MYT1L: variants seen among roughly 807,000 people sequenced by gnomAD.
MYT1L encodes myelin transcription factor 1-like protein.
A neutral mutation model predicts 126.7 loss-of-function variants in MYT1L; 12 were observed. The ratio of observed to expected loss-of-function variants is 0.09; its 90% CI spans 0.06 to 0.15. The LOEUF is 0.15. Ranked by LOEUF, MYT1L falls within the 10% of genes least tolerant of loss-of-function variation. The pLI is 1.00. For synonymous variants in MYT1L, 541 were observed against 604.2 expected, an observed-to-expected ratio of 0.90 and a Z score of 1.53; for missense variants, 979 against 1,585.2, an observed-to-expected ratio of 0.62 and a Z score of 6.49.
chr2:1,934,695 C>G (rs984464076), intron 9 of MYT1L, among the ~76,000 whole-genome samples: 1 of 151,500 alleles, frequency 6.6e-6, no homozygotes, highest in East Asian at 2.0e-4. Flanking sequence ...CTCTTTCTCT[C>G]TCTCTTCCCC....
Position 1,806,829 on chromosome 2 carries a change from G to A in MYT1L, c.3172+2247C>T, listed in dbSNP as rs73182891. ...CTTCCTTCATTAATGGGGAACAAAG[G>A]CACGTGGACTCGGATCAATTGTCTA... On this transcript the variant is annotated intron_variant, in intron 22 of 24. Transcript: ENST00000647738. This position sits in a 1 kb window ranked among gnomAD's most constrained non-coding sequence, Gnocchi z 4.9. 6.2e-4 allele frequency among the ~76,000 whole-genome samples: 95 copies of A among 152,314 alleles called. No individual in the cohort carries two copies. The highest frequency in any genetic ancestry group is 2.3e-3 in the African/African-American group (94 of 41,570).
At chr2:2,317,928 A>T (rs552122824) in intron 1 of MYT1L, among the ~76,000 whole-genome samples, 4 of 152,306 alleles carry the variant, frequency 2.6e-5, no homozygotes, top group Admixed American at 2.6e-4. Flanking sequence ...CCATGTTGTT[A>T]TAAGGGCCCA....
At chr2:2,270,785 T>C (rs2149339954) in intron 2 of MYT1L, among the ~76,000 whole-genome samples, 1 of 152,270 alleles carries the variant, frequency 6.6e-6, no homozygotes, top group Non-Finnish European at 1.5e-5. Context: ...TCAGTCAGGA[T>C]GCCGTGCCCC....
intron 1 of MYT1L, among the ~76,000 whole-genome samples, chr2:2,321,381 A>G (rs2096162552): frequency 2.0e-5 from 3 of 152,034 alleles, no homozygotes. Context: ...TATTTCTACA[A>G]CCAGTCTGGC....
intron 2 of MYT1L, among the ~76,000 whole-genome samples, chr2:2,234,592 G>A (rs970207261): frequency 5.9e-5 from 9 of 152,168 alleles, no homozygotes; most frequent in African/African-American, 1.9e-4. Flanking sequence ...GCTTTGCCTT[G>A]CCTACAAAGT....
chr2:1,802,597 C>T (rs59604847), intron 22 of MYT1L, among the ~76,000 whole-genome samples: 84 of 152,314 alleles, frequency 5.5e-4, no homozygotes, highest in African/African-American at 1.7e-3. Flanking sequence ...GCTGCCCTGC[C>T]GAGGTCCCTG....
chr2:2,246,380 T>G (rs990420363), intron 2 of MYT1L, among the ~76,000 whole-genome samples: 3 of 152,108 alleles, frequency 2.0e-5, no homozygotes, highest in Non-Finnish European at 4.4e-5. Context: ...TTTTAATAGG[T>G]ACCTGGGGCT....
intron 13 of MYT1L, among the ~76,000 whole-genome samples, chr2:1,904,662 C>T (rs1020213856): frequency 3.3e-5 from 5 of 152,002 alleles, no homozygotes; most frequent in Admixed American, 6.6e-5. Flanking sequence ...TGAGCCACCA[C>T]GCCTGGCCAT....
At chr2:2,236,801 TCTTCTTCTTCTTC>T (rs1407753933) in intron 2 of MYT1L, among the ~76,000 whole-genome samples, 171 of 20,388 alleles carry the variant, frequency 8.4e-3, no homozygotes, top group African/African-American at 0.017. Context: ...TTCTTCTTCT[TCTTCTTCTTCTTC>T]TTTTTTTTTT....
intron 3 of MYT1L, among the ~76,000 whole-genome samples, chr2:2,125,640 G>A (rs962126177): frequency 6.6e-6 from 1 of 152,046 alleles, no homozygotes; most frequent in African/African-American, 2.4e-5. Context: ...GCAAATTAGG[G>A]AGTAATTAGA....
At chr2:2,170,663 C>T (rs1330353922) in intron 3 of MYT1L, among the ~76,000 whole-genome samples, 1 of 152,200 alleles carries the variant, frequency 6.6e-6, no homozygotes, top group Non-Finnish European at 1.5e-5. Flanking sequence ...TACTGTTTTA[C>T]ATATATTTCA....
chr2:1,851,544 G>T, intron 19 of MYT1L, 97 bp downstream of exon 19: 2 of 1,213,194 alleles, frequency 1.6e-6, no homozygotes, highest in Non-Finnish European at 2.4e-6. Context: ...TGCCCATGGT[G>T]TCAAACTTCG....
At chr2:2,200,018 G>A (rs2092991120) in intron 2 of MYT1L, among the ~76,000 whole-genome samples, 1 of 152,142 alleles carries the variant, frequency 6.6e-6, no homozygotes, top group Non-Finnish European at 1.5e-5. Flanking sequence ...GCCTCGTTAG[G>A]CTGTGCCCTC....
At chr2:2,264,356 C>G (rs1353285173) in intron 2 of MYT1L, among the ~76,000 whole-genome samples, 1 of 152,078 alleles carries the variant, frequency 6.6e-6, no homozygotes, top group East Asian at 1.9e-4. Context: ...AACCTCATGA[C>G]ATCAGTAGAA....
At chr2:1,844,967 A>G (rs1464787283) in intron 19 of MYT1L, among the ~76,000 whole-genome samples, 1 of 143,692 alleles carries the variant, frequency 7.0e-6, no homozygotes, top group African/African-American at 2.6e-5. Flanking sequence ...TAGGATTTGG[A>G]TCCATCTTCC....
At chr2:2,145,761 T>C (rs756489014) in intron 3 of MYT1L, among the ~76,000 whole-genome samples, 3 of 152,156 alleles carry the variant, frequency 2.0e-5, no homozygotes, top group Non-Finnish European at 2.9e-5. Flanking sequence ...TTGTTATAAA[T>C]GTATAGAGTT....
intron 2 of MYT1L, among the ~76,000 whole-genome samples, chr2:2,204,423 C>G (rs1176521550): frequency 1.3e-5 from 2 of 150,678 alleles, no homozygotes; most frequent in Admixed American, 1.3e-4. Context: ...AAGAAAAAAA[C>G]AAACAACCCC....
chr2:2,216,502 C>T (rs1029574919), intron 2 of MYT1L, among the ~76,000 whole-genome samples: 17 of 152,172 alleles, frequency 1.1e-4, no homozygotes, highest in South Asian at 2.1e-4. Flanking sequence ...TATCAATTTG[C>T]GGGAGGTTGG....
intron 9 of MYT1L, among the ~76,000 whole-genome samples, chr2:1,941,063 C>T (rs1370732367): frequency 2.6e-5 from 4 of 152,228 alleles, no homozygotes; most frequent in African/African-American, 9.6e-5. Context: ...TGAGAATAGA[C>T]AAACCCTATG....
Sources: gnomAD v4.1 joint callset for allele counts (sites outside exome capture counted in the v4.1 genomes callset) on GRCh38, gnomAD v4.1.1 for gene constraint, Gnocchi (gnomAD v3.1) non-coding constraint, MANE v1.5 for transcripts, NCBI Gene and HGNC (gene_info 2026-07-23, HGNC 2026-07-21) for gene names.